The following SDK2 variants were observed in gnomAD, a reference collection of about 807,000 sequenced individuals.
SDK2 encodes protein sidekick-2.
In SDK2, 105 loss-of-function variants were observed where a neutral mutation model predicts 253.9. The ratio of observed to expected loss-of-function variants is 0.41; its 90% CI spans 0.35 to 0.49. The LOEUF (loss-of-function observed/expected upper bound fraction) is 0.49, where lower values mean the gene tolerates loss of function less well. Ranked by LOEUF, SDK2 falls within the 20% of genes least tolerant of loss-of-function variation. The probability of loss-of-function intolerance (pLI) is 0.06; values close to 1 mark genes in which losing one functional copy is unlikely to be tolerated. For synonymous variants in SDK2, 1,249 were observed against 1,234.9 expected (o/e 1.01, Z -0.24); for missense variants, 2,608 against 3,003.0 (o/e 0.87, Z 3.07).
At chr17:73,506,136 G>C (rs149405996) in intron 2 of SDK2, among the ~76,000 whole-genome samples, 96 of 152,344 alleles carry the variant, frequency 6.3e-4, no homozygotes, top group Non-Finnish European at 1.1e-3. Context: ...TCACCCACTT[G>C]AGCGTGTCCA....
intron 1 of SDK2, among the ~76,000 whole-genome samples, chr17:73,528,534 G>C (rs1427668908): frequency 6.6e-6 from 1 of 152,136 alleles, no homozygotes; most frequent in Non-Finnish European, 1.5e-5. Context: ...TCACACTTGG[G>C]GCCGGTCAAG....
chr17:73,429,610 T>C (rs1267341981), intron 12 of SDK2, among the ~76,000 whole-genome samples: 1 of 152,210 alleles, frequency 6.6e-6, no homozygotes, highest in African/African-American at 2.4e-5. Context: ...GGAGGCCATT[T>C]CTCCCAGTGC....
At chr17:73,584,351 C>T (rs1326342199) in intron 1 of SDK2, among the ~76,000 whole-genome samples, 1 of 152,224 alleles carries the variant, frequency 6.6e-6, no homozygotes, top group African/African-American at 2.4e-5. Context: ...CTAGCACCAG[C>T]TTTTCCAATA....
rs778707866 is a variant in SDK2 at position 73,398,137 on chromosome 17, C to T, written c.3252G>A (p.Gln1084=). 1 of 1,613,750 alleles carries T rather than the reference C, an allele frequency of 6.2e-7. No individual in the cohort carries two copies. Residue 1084 remains glutamine, a synonymous_variant, in exon 24 of 45, where the codon CAG becomes CAA. Transcript: ENST00000392650. The part of the protein sequence containing the change: ...VNIVGTSPPS[Q]PSRKIQTLQA... The stretch of plus-strand genomic sequence containing the variant: ...GCAGGGTCTGGATCTTTCTAGAAGG[C>T]TGACTGGGGGGGCTGGTGCCCACGA...
At position 73,566,309 on chromosome 17, in the gene SDK2, T is replaced by TTA. The variant is rs748211880; in HGVS notation, c.65-58714_65-58713dup. On this transcript the variant is annotated intron_variant, in intron 1 of 44. Transcript: ENST00000392650. ...CAGAACTATAAGCCAAATAAAATTC[T>TTA]TATATATATATGTGTGTGTGTGTGT... Among the ~76,000 whole-genome samples the TTA allele has an allele frequency of 5.4e-4, 80 of 147,096 alleles. 1 individual carries two copies. The highest frequency in any genetic ancestry group is 1.6e-3 in the Admixed American group (24 of 14,804).
chr17:73,348,662 G>C lies in SDK2; in HGVS notation c.6102C>G (p.Asn2034Lys). The change falls in exon 44 of 45, where the codon AAC (asparagine) becomes AAG (lysine). Residue 2034 changes from asparagine to lysine, a missense_variant. Coordinates refer to ENST00000392650, the MANE Select transcript of SDK2 (RefSeq NM_001144952.2). ...HYSDEDVTKY[N>K]DLIPAESSSL... Reference sequence around the variant, plus strand: ...TGCTGCTCTCTGCAGGGATGAGGTCGTTGTATTTGGTGACATCCTCATCCG... The same window carrying C: ...TGCTGCTCTCTGCAGGGATGAGGTCCTTGTATTTGGTGACATCCTCATCCG... 6.2e-7 allele frequency: 1 copy of C among 1,612,640 alleles called. No homozygotes were observed. The highest frequency in any genetic ancestry group is 1.1e-5 in the South Asian group (1 of 91,076).
chr17:73,443,431 C>T lies in SDK2; in HGVS notation c.614-2508G>A, dbSNP rs1185186039. ...CTAAGTTGTTTATTACATGCGGGGG[C>T]GCGCAGGTACCACGGCTCAGATTAA... On this transcript the variant is annotated intron_variant, in intron 5 of 44. Coordinates refer to ENST00000392650, the MANE Select transcript of SDK2 (RefSeq NM_001144952.2). This position sits in a 1 kb window ranked among gnomAD's most constrained non-coding sequence, Gnocchi z 4.6. Among the ~76,000 whole-genome samples, 1 of 152,170 alleles carries T rather than the reference C, an allele frequency of 6.6e-6. No individual in the cohort carries two copies. Among genetic ancestry groups the T allele is most frequent in the African/African-American group, 2.4e-5 (1 of 41,422 alleles).
chr17:73,545,099 G>GCGCACACACACACACA (rs147498499), intron 1 of SDK2, among the ~76,000 whole-genome samples: 25 of 145,816 alleles, frequency 1.7e-4, no homozygotes, highest in African/African-American at 6.4e-4. Flanking sequence ...GCACGTGCAC[G>GCGCACACACACACACA]CACACACACA....
At chr17:73,544,856 C>G (rs529081876) in intron 1 of SDK2, among the ~76,000 whole-genome samples, 2 of 152,332 alleles carry the variant, frequency 1.3e-5, no homozygotes, top group South Asian at 4.1e-4. Flanking sequence ...TTCATCCAGG[C>G]TGCTGGGGCG....
chr17:73,513,058 C>T lies in SDK2; in HGVS notation c.65-5461G>A, dbSNP rs185814736. Among the ~76,000 whole-genome samples, 51 of 151,790 alleles carry T rather than the reference C, an allele frequency of 3.4e-4. No homozygotes were observed. In the East Asian group the frequency reaches 6.7e-3, roughly 20 times the overall value. On this transcript the variant is annotated intron_variant, in intron 1 of 44. Transcript: ENST00000392650. ...TACTGTCTTGGCAAAGCAATGTACT[C>T]GCCAAGTACTTTCTAAGTACTATGC...
At position 73,541,226 on chromosome 17, in the gene SDK2, C is replaced by G. The variant is rs1426551288; in HGVS notation, c.65-33629G>C. Among the ~76,000 whole-genome samples the G allele has an allele frequency of 1.3e-5, 2 of 152,174 alleles. No homozygotes were observed. The highest frequency in any genetic ancestry group is 2.9e-5 in the Non-Finnish European group (2 of 68,008). Reference sequence around the variant, plus strand: ...GCTGGGGCAGCAGTGAAGGGAGGTGCCCGGGGGGCTGCAGGGGATGGGCTG... The same window carrying G: ...GCTGGGGCAGCAGTGAAGGGAGGTGGCCGGGGGGCTGCAGGGGATGGGCTG... On this transcript the variant is annotated intron_variant, in intron 1 of 44. Coordinates refer to ENST00000392650, the MANE Select transcript of SDK2 (RefSeq NM_001144952.2). The surrounding 1 kb of genome is among the most constrained non-coding windows in gnomAD (Gnocchi z 4.3).
intron 12 of SDK2, among the ~76,000 whole-genome samples, chr17:73,426,720 C>A (rs1286088007): frequency 6.6e-6 from 1 of 152,160 alleles, no homozygotes; most frequent in Non-Finnish European, 1.5e-5. Flanking sequence ...AAAGGACTTG[C>A]CAGCACTCAC....
At chr17:73,345,293 T>TG (rs1477698023) in intron 44 of SDK2, among the ~76,000 whole-genome samples, 1 of 150,908 alleles carries the variant, frequency 6.6e-6, no homozygotes, top group African/African-American at 2.4e-5. Flanking sequence ...CACTCCAGCC[T>TG]GGGGGACAAG....
At chr17:73,462,455 CACACAT>C (rs2063570554) in intron 3 of SDK2, among the ~76,000 whole-genome samples, 2 of 151,890 alleles carry the variant, frequency 1.3e-5, no homozygotes, top group African/African-American at 4.8e-5. Flanking sequence ...TATATACACA[CACACAT>C]ACATGTTTAT....
intron 2 of SDK2, among the ~76,000 whole-genome samples, chr17:73,499,707 G>C (rs2063870778): frequency 6.6e-6 from 1 of 152,188 alleles, no homozygotes; most frequent in African/African-American, 2.4e-5. Flanking sequence ...ATAATCCCAG[G>C]CAAGTTTCTG....
intron 3 of SDK2, among the ~76,000 whole-genome samples, chr17:73,470,422 T>C (rs2063641164): frequency 6.6e-6 from 1 of 152,168 alleles, no homozygotes; most frequent in South Asian, 2.1e-4. Context: ...TGCACACACC[T>C]TGGCACACAC....
At chr17:73,444,718 A>C (rs1466161292) in intron 5 of SDK2, among the ~76,000 whole-genome samples, 1 of 152,176 alleles carries the variant, frequency 6.6e-6, no homozygotes, top group Non-Finnish European at 1.5e-5. Flanking sequence ...CATAGGCACC[A>C]GTTTACAGAT....
chr17:73,554,312 T>C (rs2045110508), intron 1 of SDK2, among the ~76,000 whole-genome samples: 1 of 152,118 alleles, frequency 6.6e-6, no homozygotes, highest in Non-Finnish European at 1.5e-5. Context: ...GCCCCCAAAA[T>C]TCATCTGTTG....
intron 38 of SDK2, 65 bp downstream of exon 38, chr17:73,365,193 G>T: frequency 1.5e-6 from 2 of 1,305,236 alleles, no homozygotes; most frequent in Non-Finnish European, 2.1e-6. Flanking sequence ...TGTGATGGGC[G>T]CTGAGATGAG....
Sources: allele counts gnomAD v4.1 joint callset (sites outside exome capture counted in the v4.1 genomes callset), GRCh38; gene constraint gnomAD v4.1.1; non-coding constraint Gnocchi (gnomAD v3.1); transcripts MANE v1.5; gene names NCBI Gene and HGNC (gene_info 2026-07-23, HGNC 2026-07-21).